WDR93: variants seen among roughly 807,000 people sequenced by gnomAD.
WDR93 encodes WD repeat-containing protein 93.
A neutral mutation model predicts 82.9 loss-of-function variants in WDR93; 73 were observed. The observed-to-expected ratio is 0.88, with a 90% confidence interval of 0.73 to 1.07. The LOEUF is 1.07. Ranked by LOEUF, WDR93 falls within the 50% of genes least tolerant of loss-of-function variation. The pLI, the probability that WDR93 is intolerant of heterozygous loss-of-function variation, is 0.00. For synonymous variants in WDR93, 283 were observed against 300.1 expected (o/e 0.94, Z 0.59); for missense variants, 738 against 826.0 (o/e 0.89, Z 1.31).
Position 89,735,281 on chromosome 15 carries a change from T to G in WDR93, c.1545-209T>G, listed in dbSNP as rs189828433. 2.0e-5 allele frequency among the ~76,000 whole-genome samples: 3 copies of G among 152,320 alleles called. No individual in the cohort carries two copies. In the East Asian group the frequency reaches 5.8e-4, roughly 29 times the overall value. ...TCCAGTTCTTTTATTTTCATTACCA[T>G]ATTATATTTCATTGTATAAGATACC... On this transcript the variant is annotated intron_variant, in intron 13 of 16. Coordinates refer to ENST00000268130, the MANE Select transcript of WDR93 (RefSeq NM_020212.2).
Position 89,709,712 on chromosome 15 carries a change from A to G in WDR93, c.562-2314A>G, listed in dbSNP as rs192432678. On this transcript the variant is annotated intron_variant, in intron 4 of 16. Transcript: ENST00000268130. The stretch of plus-strand genomic sequence containing the variant: ...AGCAGTCTTCCCACCTTGGCCTCCC[A>G]AAGTGCTGAGATTACAGGTGAGGTA... Among the ~76,000 whole-genome samples, 42 of 152,230 alleles carry G rather than the reference A, an allele frequency of 2.8e-4. No homozygotes were observed. In the East Asian group the frequency reaches 7.7e-3, roughly 28 times the overall value.
intron 8 of WDR93, among the ~76,000 whole-genome samples, chr15:89,723,142 A>G (rs760056044): frequency 6.6e-6 from 1 of 152,134 alleles, no homozygotes; most frequent in Non-Finnish European, 1.5e-5. Flanking sequence ...CAGAGGTTGC[A>G]GTGAGCTGAG....
intron 9 of WDR93, 133 bp from the exon 10 acceptor site, chr15:89,728,890 T>G (rs1161190518): frequency 1.3e-6 from 1 of 781,488 alleles, no homozygotes; most frequent in Non-Finnish European, 2.2e-6. Flanking sequence ...GAATGTGATG[T>G]GCTTCATGGC....
chr15:89,732,630 C>T (rs1966874531), intron 12 of WDR93, among the ~76,000 whole-genome samples: 1 of 151,940 alleles, frequency 6.6e-6, no homozygotes, highest in African/African-American at 2.4e-5. Flanking sequence ...CACACACACA[C>T]ACACACACAC....
chr15:89,731,419 G>A, intron 11 of WDR93, 24 bp from the exon 12 acceptor site: 1 of 1,613,762 alleles, frequency 6.2e-7, no homozygotes, highest in Non-Finnish European at 8.5e-7. Flanking sequence ...GGGGGAACCG[G>A]TTGAGTATTG....
intron 13 of WDR93, among the ~76,000 whole-genome samples, chr15:89,733,881 C>T (rs1316415493): frequency 1.3e-5 from 2 of 152,202 alleles, no homozygotes; most frequent in African/African-American, 4.8e-5. Flanking sequence ...CCATCCCATA[C>T]GGCCAAGAAG....
chr15:89,736,760 G>A (rs1352628458), intron 14 of WDR93, among the ~76,000 whole-genome samples: 1 of 151,720 alleles, frequency 6.6e-6, no homozygotes, highest in Non-Finnish European at 1.5e-5. Flanking sequence ...AAAGTGGTGT[G>A]GCAGCTGGAG....
rs1329794460 is a variant in WDR93 at position 89,738,894 on chromosome 15, T to G, written c.1961+658T>G. 2.6e-5 allele frequency among the ~76,000 whole-genome samples: 4 copies of G among 152,094 alleles called. No homozygotes were observed. The East Asian group carries it at 7.8e-4, about 30-fold the overall frequency. ...CTTTGGGAGGCCGAGGTGGGCAGAT[T>G]GCTTGAGCTCAGGAGTTTGAGACCA... On this transcript the variant is annotated intron_variant, in intron 16 of 16. Transcript: ENST00000268130.
At chr15:89,693,931 G>A (rs1312803373) in intron 1 of WDR93, among the ~76,000 whole-genome samples, 2 of 152,160 alleles carry the variant, frequency 1.3e-5, no homozygotes, top group African/African-American at 4.8e-5. Flanking sequence ...CATCTAAGAT[G>A]GAGTTGCTTT....
At chr15:89,736,547 A>T (rs529592898) in intron 14 of WDR93, among the ~76,000 whole-genome samples, 1 of 152,204 alleles carries the variant, frequency 6.6e-6, no homozygotes, top group South Asian at 2.1e-4. Flanking sequence ...ATCAGTTCAC[A>T]AAGTGACCGT....
In WDR93 at chr15:89,743,281, G is replaced by T. The variant is rs1967819397; in HGVS notation, c.1962-11G>T. On this transcript the variant is annotated splice_polypyrimidine_tract_variant and intron_variant, in intron 16 of 16. Coordinates refer to ENST00000268130, the MANE Select transcript of WDR93 (RefSeq NM_020212.2). The stretch of plus-strand genomic sequence containing the variant: ...AGGAGATTCCTCTCATCACAGTTGT[G>T]TGGCCCTCAGCTATCGGAAGCTGGA... 6.2e-7 allele frequency: 1 copy of T among 1,613,974 alleles called. No homozygotes were observed. The highest frequency in any genetic ancestry group is 8.5e-7 in the Non-Finnish European group (1 of 1,179,944).
In WDR93 at chr15:89,732,111, T is replaced by G. The variant is rs1164237713; in HGVS notation, c.1330+549T>G. On this transcript the variant is annotated intron_variant, in intron 12 of 16. Transcript: ENST00000268130. ...TTGCAGATACAGAAATCAATGATATTGCTTCCTAAATTCGTCAGCCTCTAG... is the reference window on the plus strand; with the variant it reads ...TTGCAGATACAGAAATCAATGATATGGCTTCCTAAATTCGTCAGCCTCTAG... 2.0e-5 allele frequency among the ~76,000 whole-genome samples: 3 copies of G among 152,222 alleles called. No individual in the cohort carries two copies. In the South Asian group the frequency reaches 6.2e-4, roughly 32 times the overall value.
rs540882400 is a variant in WDR93 at position 89,733,220 on chromosome 15, G to T, written c.1544+1G>T. ...CCACCATCAGTGTGCTTGTTGAGAG[G>T]TCAGTAGCTTGAGGGTGGGACGGGG... On this transcript the variant is annotated splice_donor_variant, in intron 13 of 16. Transcript: ENST00000268130. LOFTEE classifies it high-confidence loss of function. 1.2e-6 allele frequency: 2 copies of T among 1,611,924 alleles called. No individual in the cohort carries two copies. The highest frequency in any genetic ancestry group is 1.3e-5 in the African/African-American group (1 of 74,980).
rs752780091 is a variant in WDR93 at position 89,705,612 on chromosome 15, T to G, written c.555T>G (p.Asn185Lys). ...GACTTTACCTAGTCAAAGCCATCAATGAAGTGGTGAGTTCCTATTCTTTCA... is the reference window on the plus strand; with the variant it reads ...GACTTTACCTAGTCAAAGCCATCAAGGAAGTGGTGAGTTCCTATTCTTTCA... ...KEGLYLVKAINEVDDTSKQTT... is the reference protein window; with the variant it reads ...KEGLYLVKAIKEVDDTSKQTT... The change falls in exon 4 of 17, where the codon AAT (asparagine) becomes AAG (lysine). Residue 185 changes from asparagine to lysine, a missense_variant. Transcript: ENST00000268130. The G allele has an allele frequency of 4.5e-5, 70 of 1,562,674 alleles. No homozygotes were observed. In the Middle Eastern group the frequency reaches 1.2e-3, roughly 26 times the overall value.
At chr15:89,722,327 T>C (rs1966560332) in intron 8 of WDR93, among the ~76,000 whole-genome samples, 188 bp downstream of exon 8, 1 of 152,244 alleles carries the variant, frequency 6.6e-6, no homozygotes, top group Admixed American at 6.5e-5. Context: ...AATGCATTTG[T>C]ATTACATACA....
intron 14 of WDR93, among the ~76,000 whole-genome samples, chr15:89,735,878 G>T (rs573834241): frequency 1.6e-4 from 25 of 152,302 alleles, no homozygotes; most frequent in African/African-American, 5.3e-4. Context: ...TGTGTTTTCT[G>T]GAGGAGGTGA....
At chr15:89,709,319 G>A (rs1370099724) in intron 4 of WDR93, among the ~76,000 whole-genome samples, 1 of 151,982 alleles carries the variant, frequency 6.6e-6, no homozygotes, top group Non-Finnish European at 1.5e-5. Context: ...GGCAGGGTGG[G>A]GGTGATTTAT....
chr15:89,728,672 T>C (rs1966830576), intron 9 of WDR93, among the ~76,000 whole-genome samples: 1 of 152,188 alleles, frequency 6.6e-6, no homozygotes, highest in South Asian at 2.1e-4. Flanking sequence ...ACTGGCTGTA[T>C]TGCCCCTGGG....
Position 89,712,023 on chromosome 15 carries a change from C to T in WDR93, c.562-3C>T. The T allele has an allele frequency of 1.9e-6, 3 of 1,612,062 alleles. No individual in the cohort carries two copies. Among genetic ancestry groups the T allele is most frequent in the South Asian group, 1.1e-5 (1 of 90,704 alleles). ...ACTCTATCAACATCTCTTTTGTTTT[C>T]AGGATGATACCAGCAAGCAAACTAC... On this transcript the variant is annotated splice_polypyrimidine_tract_variant and splice_region_variant and intron_variant, in intron 4 of 16. Coordinates refer to ENST00000268130, the MANE Select transcript of WDR93 (RefSeq NM_020212.2).
Sources: gnomAD v4.1 joint callset for allele counts (sites outside exome capture counted in the v4.1 genomes callset) on GRCh38, gnomAD v4.1.1 for gene constraint, MANE v1.5 for transcripts, NCBI Gene and HGNC (gene_info 2026-07-23, HGNC 2026-07-21) for gene names.